P2RY14: variants seen among roughly 807,000 people sequenced by gnomAD.
P2RY14 encodes purinergic receptor P2Y14.
Under a neutral mutation model 0.9 loss-of-function variants are expected in P2RY14, and 2 were observed. The ratio of observed to expected loss-of-function variants is 2.16; its 90% confidence interval spans 0.88 to 6.79. P2RY14 has a LOEUF of 6.79. P2RY14 is among the 30% of genes most tolerant of loss of function. The probability of loss-of-function intolerance (pLI) is 0.05; values close to 1 mark genes in which losing one functional copy is unlikely to be tolerated. For missense variants in P2RY14, 378 were observed against 400.1 expected (o/e 0.94, Z 0.47); for synonymous variants, 158 against 147.2 (o/e 1.07, Z -0.53).
intron 1 of P2RY14, among the ~76,000 whole-genome samples, chr3:151,274,122 C>T (rs1392238677): frequency 6.6e-6 from 1 of 152,182 alleles, no homozygotes; most frequent in Non-Finnish European, 1.5e-5. Flanking sequence ...TGAACCAACC[C>T]ATATTCAGAA....
intron 1 of P2RY14, among the ~76,000 whole-genome samples, chr3:151,254,771 G>A (rs1003313238): frequency 6.6e-6 from 1 of 152,186 alleles, no homozygotes; most frequent in African/African-American, 2.4e-5. Flanking sequence ...TAATAACTTT[G>A]TGTTACATTT....
intron 1 of P2RY14, among the ~76,000 whole-genome samples, chr3:151,239,292 G>A (rs2149369532): frequency 6.6e-6 from 1 of 152,310 alleles, no homozygotes; most frequent in South Asian, 2.1e-4. Flanking sequence ...CATTGACATG[G>A]TTTTAGATCC....
At chr3:151,236,322 A>G (rs747885911) in intron 1 of P2RY14, among the ~76,000 whole-genome samples, 1 of 152,252 alleles carries the variant, frequency 6.6e-6, no homozygotes, top group Non-Finnish European at 1.5e-5. Flanking sequence ...TTCAATGTGC[A>G]TAGTAGATTA....
Position 151,227,957 on chromosome 3 carries a change from A to T in P2RY14, c.-132-8315T>A, listed in dbSNP as rs190854058. Among the ~76,000 whole-genome samples, 7 of 152,280 alleles carry T rather than the reference A, an allele frequency of 4.6e-5. No homozygotes were observed. The East Asian group carries it at 1.4e-3, about 29-fold the overall frequency. On this transcript the variant is annotated intron_variant, in intron 1 of 2. Transcript: ENST00000309170. ...TGTGCAACCAGCCACGTCCCCACAC[A>T]TTTCTAAATTTTCTTGAGAACCACT...
rs112770414 is a variant in P2RY14 at position 151,215,393 on chromosome 3, C to A, written c.-24-1053G>T. Among the ~76,000 whole-genome samples, 960 of 152,248 alleles carry A rather than the reference C, an allele frequency of 6.3e-3. 10 individuals are homozygous for A. The highest frequency in any genetic ancestry group is 0.022 in the African/African-American group (922 of 41,548). On this transcript the variant is annotated intron_variant, in intron 2 of 2. Coordinates refer to ENST00000309170, the MANE Select transcript of P2RY14 (RefSeq NM_014879.4). ...GTAAAATATCTCAGTATTTTTAATACTGATCACATGTTGAAGTAATATTCT... is the reference window on the plus strand; with the variant it reads ...GTAAAATATCTCAGTATTTTTAATAATGATCACATGTTGAAGTAATATTCT...
intron 1 of P2RY14, among the ~76,000 whole-genome samples, chr3:151,225,978 G>T (rs557939582): frequency 6.6e-6 from 1 of 152,062 alleles, no homozygotes; most frequent in East Asian, 1.9e-4. Flanking sequence ...TTCTTCCTTT[G>T]CCAAGGCCTT....
At chr3:151,250,777 T>C (rs766908314) in intron 1 of P2RY14, among the ~76,000 whole-genome samples, 13 of 152,208 alleles carry the variant, frequency 8.5e-5, no homozygotes, top group Admixed American at 6.5e-5. Context: ...CTTTTGGTTA[T>C]GTGCCCAGAA....
chr3:151,272,014 G>A (rs1247129260), intron 1 of P2RY14, among the ~76,000 whole-genome samples: 1 of 152,104 alleles, frequency 6.6e-6, no homozygotes, highest in Non-Finnish European at 1.5e-5. Context: ...TATAAATTAG[G>A]GGAAAAAGTC....
intron 1 of P2RY14, among the ~76,000 whole-genome samples, chr3:151,227,694 G>A (rs1413867410): frequency 6.6e-6 from 1 of 152,206 alleles, no homozygotes. Context: ...CAAACTGGGG[G>A]CCAGGAAAAT....
intron 1 of P2RY14, among the ~76,000 whole-genome samples, chr3:151,223,077 G>A (rs1366649338): frequency 6.6e-6 from 1 of 151,682 alleles, no homozygotes; most frequent in East Asian, 1.9e-4. Flanking sequence ...AGTTCTGCAT[G>A]GAGTAATAAT....
chr3:151,258,622 C>G (rs1255320201), intron 1 of P2RY14, among the ~76,000 whole-genome samples: 2 of 152,028 alleles, frequency 1.3e-5, no homozygotes, highest in Non-Finnish European at 2.9e-5. Context: ...CTAGCCTCAA[C>G]AAATAAACAT....
intron 1 of P2RY14, among the ~76,000 whole-genome samples, chr3:151,270,467 G>A (rs1740733125): frequency 6.6e-6 from 1 of 152,086 alleles, no homozygotes; most frequent in African/African-American, 2.4e-5. Flanking sequence ...CCTTTGCTCT[G>A]CTGGAATTTG....
rs543739085 is a variant in P2RY14 at position 151,230,994 on chromosome 3, G to A, written c.-132-11352C>T. On this transcript the variant is annotated intron_variant, in intron 1 of 2. Transcript: ENST00000309170. ...CAGAAAGCAAGGAAGTGCTCAGACC[G>A]ATTAGGAAATGCTAAAAAAGGACAC... 2.2e-4 allele frequency among the ~76,000 whole-genome samples: 33 copies of A among 152,282 alleles called. 1 individual carries two copies. The South Asian group carries it at 2.5e-3, about 11-fold the overall frequency.
chr3:151,222,417 T>G (rs1390521977), intron 1 of P2RY14, among the ~76,000 whole-genome samples: 1 of 152,196 alleles, frequency 6.6e-6, no homozygotes, highest in African/African-American at 2.4e-5. Flanking sequence ...AATCTCATCT[T>G]GTGGCTCCCT....
chr3:151,225,563 TG>T (rs1240020185), intron 1 of P2RY14, among the ~76,000 whole-genome samples: 4 of 152,182 alleles, frequency 2.6e-5, no homozygotes, highest in Non-Finnish European at 5.9e-5. Flanking sequence ...GCCGTCACAA[TG>T]GCAAATCAAT....
intron 1 of P2RY14, among the ~76,000 whole-genome samples, chr3:151,261,031 GTGTGTTTA>G (rs2149496563): frequency 6.6e-6 from 1 of 152,220 alleles, no homozygotes; most frequent in African/African-American, 2.4e-5. Flanking sequence ...GAGGATCCCT[GTGTGTTTA>G]ACAATGGAAT....
intron 1 of P2RY14, among the ~76,000 whole-genome samples, chr3:151,221,932 A>T (rs939344550): frequency 2.0e-5 from 3 of 152,214 alleles, no homozygotes; most frequent in African/African-American, 7.2e-5. Flanking sequence ...AAAGTTGCAG[A>T]TACTCAATGC....
At chr3:151,222,185 C>G (rs1729499931) in intron 1 of P2RY14, among the ~76,000 whole-genome samples, 1 of 152,332 alleles carries the variant, frequency 6.6e-6, no homozygotes, top group Non-Finnish European at 1.5e-5. Context: ...TGCATTGTAT[C>G]TAGGAAGTAA....
chr3:151,242,491 C>A (rs1176347299), intron 1 of P2RY14, among the ~76,000 whole-genome samples: 1 of 152,158 alleles, frequency 6.6e-6, no homozygotes, highest in African/African-American at 2.4e-5. Context: ...TGGGAGGCAC[C>A]CCCCAGCAGG....
Sources: gnomAD v4.1 joint callset for allele counts (sites outside exome capture counted in the v4.1 genomes callset) on GRCh38, gnomAD v4.1.1 for gene constraint, MANE v1.5 for transcripts, NCBI Gene and HGNC (gene_info 2026-07-23, HGNC 2026-07-21) for gene names.